Variants in BTN3A2 observed in about 807,000 individuals in gnomAD.
BTN3A2 encodes the protein butyrophilin protein.
BTN3A2 carries 25 observed loss-of-function variants against 37.6 expected under a neutral mutation model. That is an observed-to-expected ratio of 0.66 (90% CI 0.48 to 0.93). The LOEUF is 0.93. Among genes scored for constraint, BTN3A2 ranks in the 40% least tolerant of loss-of-function variants. The pLI is 0.00. For missense variants in BTN3A2, 266 were observed against 410.9 expected (o/e 0.65, Z 3.05); for synonymous variants, 122 against 159.4 (o/e 0.77, Z 1.77).
chr6:26,365,864 C>T lies in BTN3A2; in HGVS notation c.-67+512C>T, dbSNP rs139404555. On this transcript the variant is annotated intron_variant, in intron 1 of 10. Coordinates refer to ENST00000377708, the MANE Select transcript of BTN3A2 (RefSeq NM_007047.5). ...ATATAGTAAAATCTGAACCAACATA[C>T]ATATTCAACAGGTGGGGAATAGACA... Among the ~76,000 whole-genome samples, 473 of 152,236 alleles carry T rather than the reference C, an allele frequency of 3.1e-3. 7 individuals carry two copies. Among genetic ancestry groups the T allele is most frequent in the Admixed American group, 0.013 (201 of 15,304 alleles).
chr6:26,365,219 T>C lies in BTN3A2; in HGVS notation c.-200T>C, dbSNP rs1291563263. 6.3e-6 allele frequency: 8 copies of C among 1,277,936 alleles called. No homozygotes were observed. The Admixed American group carries it at 1.4e-4, about 23-fold the overall frequency. 79.2% of individuals were successfully genotyped at this position (1,277,936 alleles called of 1,614,324 possible). A position where few individuals can be genotyped will look rare whatever the true frequency, so the allele number is the denominator to read the frequency against. ...GAGCGACTCTTACTGTTTCTCATGG[T>C]GAGAAGACAATATTTGCTTTCTCTT... On this transcript the variant is annotated 5_prime_UTR_variant, in exon 1 of 11. Transcript: ENST00000377708.
At position 26,370,391 on chromosome 6, in the gene BTN3A2, C is replaced by G. The variant is rs370722939; in HGVS notation, c.503C>G (p.Ser168Cys). ...GGAGGGATCCATCTGGAGTGCAGGT[C>G]CACCGGCTGGTACCCCCAACCCCAA... ...EDGGIHLECR[S>C]TGWYPQPQIQ... Residue 168 changes from serine to cysteine, a missense_variant, in exon 5 of 11, where the codon TCC (serine) becomes TGC (cysteine). By Grantham distance (112) the Ser-to-Cys change is moderately radical. Coordinates refer to ENST00000377708, the MANE Select transcript of BTN3A2 (RefSeq NM_007047.5). 6.2e-7 allele frequency: 1 copy of G among 1,614,170 alleles called. No homozygotes were observed. The highest frequency in any genetic ancestry group is 8.5e-7 in the Non-Finnish European group (1 of 1,180,022).
chr6:26,374,609 G>A (rs577157338), intron 9 of BTN3A2, 162 bp from the exon 10 acceptor site: 46 of 932,332 alleles, frequency 4.9e-5, no homozygotes, highest in Middle Eastern at 6.3e-4. Context: ...TGACATTTTT[G>A]AGAAGGTGCC....
rs1978 is a variant in BTN3A2 at position 26,377,345 on chromosome 6, T to A, written c.*1583T>A. On this transcript the variant is annotated 3_prime_UTR_variant, in exon 11 of 11. Transcript: ENST00000377708. ...TTATTCCATAGGACAGTTGTTTGAGTTTGGTGCCACCTTATTGGCCCCTTT... is the reference window on the plus strand; with the variant it reads ...TTATTCCATAGGACAGTTGTTTGAGATTGGTGCCACCTTATTGGCCCCTTT... 55,993 of 626,812 alleles carry A rather than the reference T, an allele frequency of 0.089. 3,050 individuals are homozygous for A. Among genetic ancestry groups the A allele is most frequent in the East Asian group, 0.14 (4,652 of 33,512 alleles). 38.8% of individuals were successfully genotyped at this position (626,812 alleles called of 1,614,324 possible).
At position 26,368,501 on chromosome 6, in the gene BTN3A2, G is replaced by C. The variant is rs762143341; in HGVS notation, c.86-64G>C. The C allele has an allele frequency of 2.2e-5, 36 of 1,613,066 alleles. No homozygotes were observed. In the East Asian group the frequency reaches 3.6e-4, roughly 16 times the overall value. On this transcript the variant is annotated intron_variant, in intron 3 of 10. Transcript: ENST00000377708. ...TATCTCGCCTTCCCTGTCTGAGAAG[G>C]ACCCTTCCTCTCATGACCCCAACTC...
intron 10 of BTN3A2, chr6:26,375,416 CG>C (rs1357755755): frequency 6.5e-6 from 3 of 458,376 alleles, no homozygotes; most frequent in East Asian, 7.3e-5. Context: ...GAAGAGTCCT[CG>C]GGCCTTGTTA....
intron 4 of BTN3A2, among the ~76,000 whole-genome samples, chr6:26,369,349 C>T (rs899544363): frequency 2.0e-5 from 3 of 152,198 alleles, no homozygotes; most frequent in South Asian, 4.1e-4. Flanking sequence ...AGGAATACTC[C>T]TGTAGTAGAA....
chr6:26,369,415 T>A (rs537563575), intron 4 of BTN3A2, among the ~76,000 whole-genome samples: 1 of 152,302 alleles, frequency 6.6e-6, no homozygotes, highest in East Asian at 1.9e-4. Context: ...TGGGGAGCTG[T>A]GGCGGGGTCT....
At chr6:26,365,474 C>CTGTGTGTGTGTGTGTG (rs55949951) in intron 1 of BTN3A2, 122 bp downstream of exon 1, 18 of 550,908 alleles carry the variant, frequency 3.3e-5, no homozygotes, top group African/African-American at 1.4e-4. Context: ...GGTGCAGTGC[C>CTGTGTGTGTGTGTGTG]TGTGTGTGTG....
rs1760756620 is a variant in BTN3A2, at chr6:26,377,075, T to C, written c.*1313T>C. 2 of 1,366,690 alleles carry C rather than the reference T, an allele frequency of 1.5e-6. No individual in the cohort carries two copies. The highest frequency in any genetic ancestry group is 2.1e-6 in the Non-Finnish European group (2 of 956,390). 84.7% of individuals were successfully genotyped at this position (1,366,690 alleles called of 1,614,324 possible). On this transcript the variant is annotated 3_prime_UTR_variant, in exon 11 of 11. Transcript: ENST00000377708. ...TCAGAATTTTGACCTTGGAGCCCAC[T>C]GCCCTGACCGTTTGCCCAATACCAA...
In BTN3A2 at chr6:26,370,615, C is replaced by T. The variant is rs1192254149; in HGVS notation, c.715+12C>T. 11 of 1,613,478 alleles carry T rather than the reference C, an allele frequency of 6.8e-6. No homozygotes were observed. Among genetic ancestry groups the T allele is most frequent in the Non-Finnish European group, 9.3e-6 (11 of 1,179,606 alleles). On this transcript the variant is annotated intron_variant, in intron 5 of 10. Coordinates refer to ENST00000377708, the MANE Select transcript of BTN3A2 (RefSeq NM_007047.5). ...CATTTCCATCGCAGGTCAGTACCTG[C>T]TTGGCCTCAGGTTTTCTGAGCTGAG...
At chr6:26,370,276 T>C in intron 4 of BTN3A2, 46 bp from the exon 5 acceptor site, 3 of 1,595,798 alleles carry the variant, frequency 1.9e-6, no homozygotes, top group Non-Finnish European at 2.6e-6. Context: ...AGACCCTCCC[T>C]AATACAGGAG....
At chr6:26,370,624 A>G (rs1760016764) in intron 5 of BTN3A2, 21 bp downstream of exon 5, 2 of 1,612,984 alleles carry the variant, frequency 1.2e-6, no homozygotes, top group Admixed American at 3.3e-5. Flanking sequence ...GCTTGGCCTC[A>G]GGTTTTCTGA....
In BTN3A2 at chr6:26,377,141, T is replaced by C; in HGVS notation, c.*1379T>C. On this transcript the variant is annotated 3_prime_UTR_variant, in exon 11 of 11. Coordinates refer to ENST00000377708, the MANE Select transcript of BTN3A2 (RefSeq NM_007047.5). ...CCGATCCCGACCTAGTGCCTGATCATTCCCTGGAGATACCACTGACCCCAG... is the reference window on the plus strand; with the variant it reads ...CCGATCCCGACCTAGTGCCTGATCACTCCCTGGAGATACCACTGACCCCAG... 3 of 1,280,812 alleles carry C rather than the reference T, an allele frequency of 2.3e-6. No homozygotes were observed. Among genetic ancestry groups the C allele is most frequent in the Non-Finnish European group, 3.4e-6 (3 of 877,390 alleles). 79.3% of individuals were successfully genotyped at this position (1,280,812 alleles called of 1,614,324 possible).
In BTN3A2 at chr6:26,377,146, T is replaced by C. The variant is rs1005670779; in HGVS notation, c.*1384T>C. 5 of 1,279,170 alleles carry C rather than the reference T, an allele frequency of 3.9e-6. No homozygotes were observed. Among genetic ancestry groups the C allele is most frequent in the South Asian group, 1.2e-5 (1 of 84,292 alleles). 79.2% of individuals were successfully genotyped at this position (1,279,170 alleles called of 1,614,324 possible). On this transcript the variant is annotated 3_prime_UTR_variant, in exon 11 of 11. Transcript: ENST00000377708. ...CCCGACCTAGTGCCTGATCATTCCC[T>C]GGAGATACCACTGACCCCAGGCTTA...
chr6:26,374,686 G>A, intron 9 of BTN3A2, 85 bp from the exon 10 acceptor site: 1 of 1,373,706 alleles, frequency 7.3e-7, no homozygotes, highest in South Asian at 1.3e-5. Flanking sequence ...AAGAAAAGGA[G>A]AGAAAACATG....
Position 26,376,856 on chromosome 6 carries a change from G to A in BTN3A2, c.*1094G>A. ...CACCGGAGAACGGATACTGGACTAT[G>A]GGCCTGACTGATGGGAATAAGTATC... On this transcript the variant is annotated 3_prime_UTR_variant, in exon 11 of 11. Transcript: ENST00000377708. The A allele has an allele frequency of 6.2e-7, 1 of 1,614,018 alleles. No individual in the cohort carries two copies. The highest frequency in any genetic ancestry group is 8.5e-7 in the Non-Finnish European group (1 of 1,179,970).
In BTN3A2 at chr6:26,377,543, C is replaced by CCG; in HGVS notation, c.*1781_*1782insCG. The CCG allele has an allele frequency of 1.9e-5, 5 of 263,558 alleles. No homozygotes were observed. The highest frequency in any genetic ancestry group is 9.4e-5 in the East Asian group (1 of 10,598). 16.3% of individuals were successfully genotyped at this position (263,558 alleles called of 1,614,324 possible). ...GTGGGTGTCACTCCTTTAATCCTCA[C>CCG]AACACCCTGTCAGGTAGTCTCATTT... On this transcript the variant is annotated 3_prime_UTR_variant, in exon 11 of 11. Transcript: ENST00000377708.
At chr6:26,374,163 G>A (rs1760437081) in intron 8 of BTN3A2, 164 bp from the exon 9 acceptor site, 1 of 505,626 alleles carries the variant, frequency 2.0e-6, no homozygotes, top group Admixed American at 4.7e-5. Context: ...AGAAAGAATT[G>A]TACCTGAAGA....
Sources: allele counts gnomAD v4.1 joint callset (sites outside exome capture counted in the v4.1 genomes callset), GRCh38; gene constraint gnomAD v4.1.1; transcripts MANE v1.5; gene names NCBI Gene and HGNC (gene_info 2026-07-23, HGNC 2026-07-21).